OPA1: variants seen among roughly 807,000 people sequenced by gnomAD.
OPA1 encodes OPA1 mitochondrial dynamin like GTPase.
In OPA1, 59 loss-of-function variants were observed where a neutral mutation model predicts 152.9. That is an observed-to-expected ratio of 0.39 (90% confidence interval 0.31 to 0.48). OPA1 has a LOEUF of 0.48. OPA1 is among the 20% of genes least tolerant of loss of function. OPA1 has a pLI of 0.96. For synonymous variants in OPA1, 400 were observed against 389.9 expected, an observed-to-expected ratio of 1.03 and a Z score of -0.31; for missense variants, 1,008 against 1,216.8, an observed-to-expected ratio of 0.83 and a Z score of 2.55.
chr3:193,642,353 A>G (rs1040449664), intron 11 of OPA1, among the ~76,000 whole-genome samples: 5 of 152,174 alleles, frequency 3.3e-5, no homozygotes, highest in Non-Finnish European at 5.9e-5. Flanking sequence ...CACTCTCTAT[A>G]GAGGTTGAAT....
Position 193,643,565 on chromosome 3 carries a change from C to T in OPA1, c.1415C>T (p.Thr472Ile). 6.2e-7 allele frequency: 1 copy of T among 1,613,882 alleles called. No homozygotes were observed. The highest frequency in any genetic ancestry group is 8.5e-7 in the Non-Finnish European group (1 of 1,179,902). ...GGCATGGCTCCTGACACAAAGGAAA[C>T]TATTTTCAGTATCAGCAAAGCTTAC... The part of the protein sequence containing the change: ...TSGMAPDTKE[T>I]IFSISKAYMQ... The change falls in exon 15 of 31, where the codon ACT (threonine) becomes ATT (isoleucine). Residue 472 changes from threonine to isoleucine, a missense_variant. Thr to Ile is a moderately conservative substitution (Grantham distance 89). Transcript: ENST00000361510.
intron 30 of OPA1, among the ~76,000 whole-genome samples, chr3:193,692,498 A>G (rs1176695165): frequency 6.6e-6 from 1 of 152,194 alleles, no homozygotes; most frequent in Non-Finnish European, 1.5e-5. Context: ...TGTATGTTAA[A>G]TATTTAACTT....
At chr3:193,671,097 A>C (rs1717824172) in intron 29 of OPA1, among the ~76,000 whole-genome samples, 1 of 152,222 alleles carries the variant, frequency 6.6e-6, no homozygotes, top group Non-Finnish European at 1.5e-5. Context: ...TAAAACCATG[A>C]TGCAAAAAGG....
intron 29 of OPA1, chr3:193,668,686 C>A: frequency 7.1e-7 from 1 of 1,406,366 alleles, no homozygotes; most frequent in Non-Finnish European, 9.4e-7. Context: ...CATGTGAACC[C>A]ATTGTAACCC....
rs199763700 is a variant in OPA1, at chr3:193,666,404, G to T, written c.2872+15G>T. Reference sequence around the variant, plus strand: ...AAATACTGAAGGTAAGCCACATAGGGACTGCAGTCTTATTTTGACATTAAA... The same window carrying T: ...AAATACTGAAGGTAAGCCACATAGGTACTGCAGTCTTATTTTGACATTAAA... On this transcript the variant is annotated intron_variant, in intron 28 of 30. Transcript: ENST00000361510. The T allele has an allele frequency of 2.5e-6, 4 of 1,574,928 alleles. No individual in the cohort carries two copies. The East Asian group carries it at 9.0e-5, about 35-fold the overall frequency.
Position 193,696,263 on chromosome 3 carries a change from TAGAA to T in OPA1, c.*1671_*1674del, listed in dbSNP as rs984988267. The T allele has an allele frequency of 3.3e-5, 5 of 152,236 alleles. No homozygotes were observed. The highest frequency in any genetic ancestry group is 7.3e-5 in the Non-Finnish European group (5 of 68,032). The allele number at this position is 152,236 out of a possible 1,614,324, so 9.4% of individuals were successfully genotyped here. On this transcript the variant is annotated 3_prime_UTR_variant, in exon 31 of 31. Coordinates refer to ENST00000361510, the MANE Select transcript of OPA1 (RefSeq NM_130837.3). ...CATATTTATTTACTTCTGTCAACTA[TAGAA>T]AGAAAGACCTTCAGCTGTATTTCCA...
At chr3:193,659,990 C>A (rs964496453) in intron 25 of OPA1, among the ~76,000 whole-genome samples, 1 of 151,434 alleles carries the variant, frequency 6.6e-6, no homozygotes, top group East Asian at 1.9e-4. Flanking sequence ...TACTAAAAGT[C>A]AAAAAAAATT....
chr3:193,633,802 A>G (rs979215346), intron 8 of OPA1, among the ~76,000 whole-genome samples: 42 of 152,230 alleles, frequency 2.8e-4, no homozygotes, highest in Admixed American at 2.4e-3. Context: ...GGTGCTTGAT[A>G]ACTACATGTG....
intron 30 of OPA1, among the ~76,000 whole-genome samples, chr3:193,694,289 C>CT (rs1722052523): frequency 6.6e-6 from 1 of 152,344 alleles, no homozygotes; most frequent in African/African-American, 2.4e-5. Flanking sequence ...CTAAGGAATA[C>CT]TTTCTCAAGT....
intron 1 of OPA1, among the ~76,000 whole-genome samples, chr3:193,612,268 C>CTTTTTTTTTTTTTTTTTTTT (rs34283831): frequency 8.6e-6 from 1 of 116,364 alleles, no homozygotes; most frequent in Non-Finnish European, 1.7e-5. Flanking sequence ...GTCTAACTTC[C>CTTTTTTTTTTTTTTTTTTTT]TTTTTTTTTT....
chr3:193,659,462 T>C lies in OPA1; in HGVS notation c.2441-20T>C. 1 of 1,581,810 alleles carries C rather than the reference T, an allele frequency of 6.3e-7. No individual in the cohort carries two copies. Among genetic ancestry groups the C allele is most frequent in the Non-Finnish European group, 8.6e-7 (1 of 1,157,800 alleles). On this transcript the variant is annotated intron_variant, in intron 24 of 30. Transcript: ENST00000361510. ...GTGTGTAAGTGATAAAATTCTTGAT[T>C]AATTAATTTTTTTTTCTAGCTGAAA...
intron 3 of OPA1, 143 bp downstream of exon 3, chr3:193,615,913 A>G: frequency 1.5e-6 from 1 of 649,078 alleles, no homozygotes; most frequent in East Asian, 2.7e-5. Context: ...CAATGAAAAA[A>G]TCTGTATAAA....
At chr3:193,603,587 G>C (rs1726781436) in intron 1 of OPA1, 1 of 152,224 alleles carries the variant, frequency 6.6e-6, no homozygotes. Context: ...TCCATATCAT[G>C]CCAAAATCAC....
chr3:193,635,755 G>A (rs1019645301), intron 9 of OPA1, among the ~76,000 whole-genome samples: 2 of 151,942 alleles, frequency 1.3e-5, no homozygotes, highest in East Asian at 1.9e-4. Flanking sequence ...GAGTTATTTC[G>A]TGTGAATCAG....
chr3:193,672,108 T>A (rs1718062449), intron 29 of OPA1, among the ~76,000 whole-genome samples: 1 of 152,246 alleles, frequency 6.6e-6, no homozygotes. Context: ...AGTGTAAGTT[T>A]TAGTAATGTG....
At chr3:193,629,302 A>G (rs1456851224) in intron 7 of OPA1, among the ~76,000 whole-genome samples, 1 of 152,254 alleles carries the variant, frequency 6.6e-6, no homozygotes, top group Non-Finnish European at 1.5e-5. Context: ...TGTGTGAGTT[A>G]TTCATTGTAC....
At chr3:193,597,039 G>A (rs1340588524) in intron 1 of OPA1, 1 of 152,188 alleles carries the variant, frequency 6.6e-6, no homozygotes, top group African/African-American at 2.4e-5. Flanking sequence ...CTAAATTGAG[G>A]GGCTGACCAA....
chr3:193,620,966 A>G (rs910543914), intron 6 of OPA1, among the ~76,000 whole-genome samples: 1 of 152,260 alleles, frequency 6.6e-6, no homozygotes, highest in Non-Finnish European at 1.5e-5. Context: ...AAGTTTGAAA[A>G]TGTGGGCAAT....
At chr3:193,663,171 A>T (rs1030773565) in intron 26 of OPA1, among the ~76,000 whole-genome samples, 1 of 152,160 alleles carries the variant, frequency 6.6e-6, no homozygotes, top group African/African-American at 2.4e-5. Context: ...TAATGCTTTA[A>T]TTTGTAAATG....
Sources: allele counts gnomAD v4.1 joint callset (sites outside exome capture counted in the v4.1 genomes callset), GRCh38; gene constraint gnomAD v4.1.1; transcripts MANE v1.5; gene names NCBI Gene and HGNC (gene_info 2026-07-23, HGNC 2026-07-21).